ARHGEF1: variants seen among roughly 807,000 people sequenced by gnomAD.
ARHGEF1 encodes the protein Rho guanine nucleotide exchange factor 1.
A neutral mutation model predicts 119.7 loss-of-function variants in ARHGEF1; 40 were observed. The observed-to-expected ratio is 0.33, with a 90% CI of 0.26 to 0.44. The LOEUF is 0.44. ARHGEF1 is among the 20% of genes least tolerant of loss of function. The pLI is 1.00. For missense variants in ARHGEF1, 976 were observed against 1,268.3 expected, an observed-to-expected ratio of 0.77 and a Z score of 3.50; for synonymous variants, 494 against 521.0, an observed-to-expected ratio of 0.95 and a Z score of 0.71.
intron 14 of ARHGEF1, among the ~76,000 whole-genome samples, chr19:41,899,416 G>A (rs2074562485): frequency 6.6e-6 from 1 of 152,200 alleles, no homozygotes; most frequent in East Asian, 1.9e-4. Flanking sequence ...TCTGCGTGGA[G>A]AGATGATGAG....
chr19:41,884,553 C>T lies in ARHGEF1; in HGVS notation c.-20+1264C>T, dbSNP rs1482479779. On this transcript the variant is annotated intron_variant, in intron 1 of 28. Coordinates refer to ENST00000354532, the MANE Select transcript of ARHGEF1 (RefSeq NM_004706.4). Reference sequence around the variant, plus strand: ...TGACTCTGCACGTCCTCCCCGGCATCCCTGGCCGTGCACACTGCCACGTCC... The same window carrying T: ...TGACTCTGCACGTCCTCCCCGGCATTCCTGGCCGTGCACACTGCCACGTCC... 11 of 1,591,476 alleles carry T rather than the reference C, an allele frequency of 6.9e-6. 1 individual carries two copies. In the South Asian group the frequency reaches 9.0e-5, roughly 13 times the overall value.
chr19:41,897,102 C>T (rs1555847931), intron 13 of ARHGEF1: 3 of 367,770 alleles, frequency 8.2e-6, no homozygotes, highest in African/African-American at 3.2e-5. Context: ...TGCCCCCCAC[C>T]CCCCGCCTCG....
chr19:41,925,744 T>G (rs1398303198), intron 1 of ARHGEF1, among the ~76,000 whole-genome samples: 2 of 152,042 alleles, frequency 1.3e-5, no homozygotes, highest in Non-Finnish European at 2.9e-5. Context: ...TCAGTGTACC[T>G]TGGAAGTCAG....
At chr19:41,908,845 G>A (rs2074735035), downstream of ARHGEF1, among the ~76,000 whole-genome samples, 1 of 141,754 alleles carries the variant, frequency 7.1e-6, no homozygotes, top group African/African-American at 2.7e-5. The surrounding 1 kb of genome is among the most constrained non-coding windows in gnomAD (Gnocchi z 6.7). Flanking sequence ...TCCCCCACTT[G>A]TCTTCCCATT....
Position 41,903,555 on chromosome 19 carries a change from G to A in ARHGEF1, c.1839+148G>A. 1 of 1,096,992 alleles carries A rather than the reference G, an allele frequency of 9.1e-7. No individual in the cohort carries two copies. The highest frequency in any genetic ancestry group is 1.3e-6 in the Non-Finnish European group (1 of 748,708). The allele number at this position is 1,096,992 out of a possible 1,614,324, so 68.0% of individuals were successfully genotyped here. ...TGTCCAGGGGTTGGCTTGGCCCTCA[G>A]CATCTCCCTCTCAGGGTCATTGGAG... On this transcript the variant is annotated intron_variant, in intron 19 of 28. Coordinates refer to ENST00000354532, the MANE Select transcript of ARHGEF1 (RefSeq NM_004706.4). The surrounding 1 kb of genome is among the most constrained non-coding windows in gnomAD (Gnocchi z 4.2).
At position 41,892,690 on chromosome 19, in the gene ARHGEF1, G is replaced by A. The variant is rs200573860; in HGVS notation, c.455G>A (p.Arg152Gln). The change falls in exon 7 of 29, where the codon CGG (arginine) becomes CAG (glutamine). Residue 152 changes from arginine (R) to glutamine (Q), a missense_variant. By Grantham distance (43) the Arg-to-Gln change is conservative. Around this residue, in one of 3 missense-constraint regions of ARHGEF1, gnomAD observed 519 missense variants for 580.9 expected, o/e 0.89. Transcript: ENST00000354532. This position sits in a 1 kb window ranked among gnomAD's most constrained non-coding sequence, Gnocchi z 6.3. ...VVQSQQVAVG[R>Q]QLEDFRSKRL... ...CAAAGCCAGCAGGTAGCCGTGGGCC[G>A]GCAGCTGGAGGACTTCCGTTCCAAG... 5.0e-6 allele frequency: 8 copies of A among 1,613,686 alleles called. No homozygotes were observed. In the South Asian group the frequency reaches 5.5e-5, roughly 11 times the overall value.
rs868942581 is a variant in ARHGEF1, at chr19:41,895,282, C to T, written c.878-67C>T. 2.3e-5 allele frequency: 35 copies of T among 1,538,746 alleles called. No individual in the cohort carries two copies. The African/African-American group carries it at 3.0e-4, about 13-fold the overall frequency. On this transcript the variant is annotated intron_variant, in intron 11 of 28. Transcript: ENST00000354532. ...GGGCCTGAGCACAGCCTCTTGCATCCCCTGGCGGTTGTGGATTTGAGTTAC... is the reference window on the plus strand; with the variant it reads ...GGGCCTGAGCACAGCCTCTTGCATCTCCTGGCGGTTGTGGATTTGAGTTAC...
At chr19:41,920,104 A>ACTCACAGACATGACACGCACACACATGCG (rs2145903387), upstream of ARHGEF1, among the ~76,000 whole-genome samples, 1 of 108,880 alleles carries the variant, frequency 9.2e-6, no homozygotes, top group Admixed American at 1.2e-4. Context: ...ACAGACATAC[A>ACTCACAGACATGACACGCACACACATGCG]CTCACAGACA....
chr19:41,914,005 C>T (rs1331459957), intron 18 of ARHGEF1, among the ~76,000 whole-genome samples: 2 of 151,434 alleles, frequency 1.3e-5, no homozygotes, highest in African/African-American at 4.9e-5. Context: ...CTCCCCACTG[C>T]TCCCATGCGC....
intron 1 of ARHGEF1, among the ~76,000 whole-genome samples, chr19:41,884,773 C>G (rs1023444853): frequency 6.6e-6 from 1 of 152,154 alleles, no homozygotes; most frequent in Non-Finnish European, 1.5e-5. Flanking sequence ...GCTCTATAGA[C>G]CATGGGTCTC....
intron 18 of ARHGEF1, among the ~76,000 whole-genome samples, chr19:41,914,747 C>CTGTCTA (rs1449837768): frequency 3.6e-5 from 1 of 28,086 alleles, no homozygotes; most frequent in Non-Finnish European, 5.5e-5. Context: ...ATCTCTGTCT[C>CTGTCTA]TCCCTCCCCT....
At chr19:41,909,165 G>C (rs1173742126), downstream of ARHGEF1, 24 of 1,231,796 alleles carry the variant, frequency 1.9e-5, no homozygotes, top group Non-Finnish European at 2.4e-5. The surrounding 1 kb of genome is among the most constrained non-coding windows in gnomAD (Gnocchi z 5.2). Flanking sequence ...GCAGAGAACA[G>C]GGTTTGCAGG....
rs1555851964 is a variant in ARHGEF1 at position 41,916,605 on chromosome 19, C to T, written c.1866-6487C>T. ...ACAATCAAATACAGAAACCCAGATTCCCAAGCACACAATCGCACACTGAGA... is the reference window on the plus strand; with the variant it reads ...ACAATCAAATACAGAAACCCAGATTTCCAAGCACACAATCGCACACTGAGA... On this transcript the variant is annotated intron_variant, in intron 18 of 20. Transcript: ENST00000599589. This position sits in a 1 kb window ranked among gnomAD's most constrained non-coding sequence, Gnocchi z 5.4. 6.6e-6 allele frequency among the ~76,000 whole-genome samples: 1 copy of T among 152,106 alleles called. No homozygotes were observed. The highest frequency in any genetic ancestry group is 6.6e-5 in the Admixed American group (1 of 15,264).
At chr19:41,929,494 G>T (rs374333943) in intron 2 of ARHGEF1, among the ~76,000 whole-genome samples, 1 of 152,224 alleles carries the variant, frequency 6.6e-6, no homozygotes, top group East Asian at 1.9e-4. Context: ...TTCAGCTCCC[G>T]GCCGGCCGGA....
intron 14 of ARHGEF1, among the ~76,000 whole-genome samples, chr19:41,901,228 C>T (rs1373126197): frequency 1.3e-5 from 2 of 152,070 alleles, no homozygotes; most frequent in East Asian, 3.9e-4. Flanking sequence ...CAGCTCACTG[C>T]AACCTCTGTC....
At chr19:41,908,078 A>C (rs1395079220), downstream of ARHGEF1, 4 of 514,558 alleles carry the variant, frequency 7.8e-6, no homozygotes, top group Non-Finnish European at 1.2e-5. This position sits in a 1 kb window ranked among gnomAD's most constrained non-coding sequence, Gnocchi z 6.7. Context: ...GACCCCCCCC[A>C]CTCTGGGGCT....
chr19:41,921,108 C>A (rs1555852451), upstream of ARHGEF1, among the ~76,000 whole-genome samples: 1 of 152,122 alleles, frequency 6.6e-6, no homozygotes, highest in Non-Finnish European at 1.5e-5. This position sits in a 1 kb window ranked among gnomAD's most constrained non-coding sequence, Gnocchi z 4.4. Flanking sequence ...ACCCCGCCTA[C>A]CAAACAGCTC....
In ARHGEF1 at chr19:41,903,730, C is replaced by T; in HGVS notation, c.1863C>T (p.Arg621=). 6.2e-7 allele frequency: 1 copy of T among 1,613,158 alleles called. No individual in the cohort carries two copies. Among genetic ancestry groups the T allele is most frequent in the Non-Finnish European group, 8.5e-7 (1 of 1,180,004 alleles). ...AGAGGCTCAAGGACTATCAGCGGCG[C>T]CTGGACTTGTCCCACCTTCGGCAGA... The part of the protein sequence containing the change: ...DLLRLKDYQR[R]LDLSHLRQSS... Residue 621 remains arginine (R), a synonymous_variant, in exon 20 of 29, where the codon CGC becomes CGT. Transcript: ENST00000354532. The surrounding 1 kb of genome is among the most constrained non-coding windows in gnomAD (Gnocchi z 4.2).
At position 41,906,535 on chromosome 19, in the gene ARHGEF1, C is replaced by G. The variant is rs1555850230; in HGVS notation, c.2570C>G (p.Pro857Arg). 1 of 1,582,328 alleles carries G rather than the reference C, an allele frequency of 6.3e-7. No individual in the cohort carries two copies. ...AGPPRDGDGVPGGGPLSPART... is the reference protein window; with the variant it reads ...AGPPRDGDGVRGGGPLSPART... ...CCTCCTCGAGATGGGGATGGGGTCC[C>G]AGGGGGCGGCCCCCTGAGCCCAGCA... The change falls in exon 27 of 29, where the codon CCA (proline) becomes CGA (arginine). Residue 857 changes from proline to arginine, a missense_variant. Transcript: ENST00000354532. This position sits in a 1 kb window ranked among gnomAD's most constrained non-coding sequence, Gnocchi z 4.5.
Sources: allele counts gnomAD v4.1 joint callset (sites outside exome capture counted in the v4.1 genomes callset), GRCh38; gene constraint gnomAD v4.1.1; regional missense constraint gnomAD v4.1.1; non-coding constraint Gnocchi (gnomAD v3.1); transcripts MANE v1.5; gene names NCBI Gene and HGNC (gene_info 2026-07-23, HGNC 2026-07-21).